Variants in VILL observed in about 807,000 individuals in gnomAD.
VILL encodes villin like.
Under a neutral mutation model 106.3 loss-of-function variants are expected in VILL, and 102 were observed. The observed-to-expected ratio is 0.96, with a 90% CI of 0.82 to 1.13. The LOEUF is 1.13. Ranked by LOEUF, VILL falls within the 50% of genes most tolerant of loss-of-function variation. VILL has a pLI of 0.00. For missense variants in VILL, 1,076 were observed against 1,116.6 expected, an observed-to-expected ratio of 0.96 and a Z score of 0.52; for synonymous variants, 431 against 440.3, an observed-to-expected ratio of 0.98 and a Z score of 0.27.
chr3:37,996,184 T>C (rs1699697653), intron 5 of VILL, among the ~76,000 whole-genome samples: 1 of 152,148 alleles, frequency 6.6e-6, no homozygotes, highest in Non-Finnish European at 1.5e-5. Context: ...AGAAAGACCC[T>C]GTCTCTGAAA....
rs1264010925 is a variant in VILL at position 38,002,519 on chromosome 3, T to G, written c.1603T>G (p.Ser535Ala). The G allele has an allele frequency of 1.2e-6, 2 of 1,614,012 alleles. No individual in the cohort carries two copies. Among genetic ancestry groups the G allele is most frequent in the African/African-American group, 2.7e-5 (2 of 74,932 alleles). ...EVPARASSLN[S>A]SDIFLLVTAS... Reference sequence around the variant, plus strand: ...GCCAGCCCGTGCCTCATCCCTCAACTCCAGTGACATCTTCTTGCTGGTCAC... The same window carrying G: ...GCCAGCCCGTGCCTCATCCCTCAACGCCAGTGACATCTTCTTGCTGGTCAC... Residue 535 changes from serine to alanine, a missense_variant, in exon 14 of 20, where the codon TCC (serine) becomes GCC (alanine). Transcript: ENST00000383759.
At chr3:37,992,512 A>G (rs1045455179) in intron 1 of VILL, among the ~76,000 whole-genome samples, 1 of 152,100 alleles carries the variant, frequency 6.6e-6, no homozygotes, top group South Asian at 2.1e-4. Context: ...CTCATTCAAC[A>G]AGTACTTACT....
At chr3:38,001,417 A>C (rs546943573) in intron 11 of VILL, 39 bp from the exon 12 acceptor site, 14 of 1,607,654 alleles carry the variant, frequency 8.7e-6, no homozygotes, top group Middle Eastern at 1.7e-4. Flanking sequence ...TGGTTCAGGA[A>C]GAGCAGCCAC....
In VILL at chr3:37,994,385, T is replaced by C. The variant is rs776681907; in HGVS notation, c.260T>C (p.Leu87Pro). 1.2e-6 allele frequency: 2 copies of C among 1,612,332 alleles called. No individual in the cohort carries two copies. Among genetic ancestry groups the C allele is most frequent in the East Asian group, 2.2e-5 (1 of 44,850 alleles). ...EAFQQRLQDELGGQTVLHREA... is the reference protein window; with the variant it reads ...EAFQQRLQDEPGGQTVLHREA... Reference sequence around the variant, plus strand: ...TTCCAGCAGCGCCTACAGGACGAGCTGGGGGGCCAGACCGTGCTGCACCGC... The same window carrying C: ...TTCCAGCAGCGCCTACAGGACGAGCCGGGGGGCCAGACCGTGCTGCACCGC... The change falls in exon 4 of 20, where the codon CTG (leucine) becomes CCG (proline). Residue 87 changes from leucine (L) to proline (P), a missense_variant. Physicochemically the swap from Leu to Pro is moderately conservative, Grantham distance 98. Coordinates refer to ENST00000383759, the MANE Select transcript of VILL (RefSeq NM_015873.4).
At chr3:38,003,443 C>A in intron 15 of VILL, 130 bp downstream of exon 15, 1 of 1,210,362 alleles carries the variant, frequency 8.3e-7, no homozygotes, top group Non-Finnish European at 1.1e-6. Flanking sequence ...CAGTTTCCCA[C>A]TCACAGAGGC....
rs771323638 is a variant in VILL at position 37,997,496 on chromosome 3, C to T, written c.575C>T (p.Thr192Ile). 23 of 1,613,760 alleles carry T rather than the reference C, an allele frequency of 1.4e-5. No individual in the cohort carries two copies. The African/African-American group carries it at 3.1e-4, about 22-fold the overall frequency. The change falls in exon 7 of 20, where the codon ACC becomes ATC. Residue 192 changes from threonine to isoleucine, a missense_variant. Thr to Ile is a moderately conservative substitution (Grantham distance 89). Coordinates refer to ENST00000383759, the MANE Select transcript of VILL (RefSeq NM_015873.4). This position sits in a 1 kb window ranked among gnomAD's most constrained non-coding sequence, Gnocchi z 4.7. Reference protein sequence around the residue: ...ISEKARGLALTYSLRDRERGG... With the variant: ...ISEKARGLALIYSLRDRERGG... The stretch of plus-strand genomic sequence containing the variant: ...CCTCTCCCGCAGGGGCTGGCTTTGA[C>T]CTACAGCCTCCGGGACAGGGAACGT...
Position 38,006,971 on chromosome 3 carries a change from T to C in VILL, c.2487T>C (p.Asp829=). ...ATCTCTCAGACTCTGACTTCCAAGATATCTTTGGGAAATCCAAGGAGGAAT... is the reference window on the plus strand; with the variant it reads ...ATCTCTCAGACTCTGACTTCCAAGACATCTTTGGGAAATCCAAGGAGGAAT... ...EFYLSDSDFQ[D]IFGKSKEEFY... is the part of the protein sequence containing the mutation. The change falls in exon 20 of 20, where the codon GAT becomes GAC. Residue 829 remains aspartate (D), a synonymous_variant. Coordinates refer to ENST00000383759, the MANE Select transcript of VILL (RefSeq NM_015873.4). The C allele has an allele frequency of 6.2e-7, 1 of 1,614,080 alleles. No homozygotes were observed. Among genetic ancestry groups the C allele is most frequent in the South Asian group, 1.1e-5 (1 of 91,080 alleles).
Position 38,004,358 on chromosome 3 carries a change from C to G in VILL, c.1909C>G (p.Leu637Val). The G allele has an allele frequency of 1.2e-6, 2 of 1,613,616 alleles. No individual in the cohort carries two copies. Among genetic ancestry groups the G allele is most frequent in the Non-Finnish European group, 1.7e-6 (2 of 1,179,520 alleles). Residue 637 changes from leucine to valine, a missense_variant, in exon 16 of 20, where the codon CTG becomes GTG. Leu to Val is a conservative substitution (Grantham distance 32). Transcript: ENST00000383759. Reference sequence around the variant, plus strand: ...AGTGGGGTTCTTCAGCCAGGAGGACCTGGACAAGTATGACATCATGTTACT... The same window carrying G: ...AGTGGGGTTCTTCAGCCAGGAGGACGTGGACAAGTATGACATCATGTTACT... Reference protein sequence around the residue: ...AEVGFFSQEDLDKYDIMLLDT... With the variant: ...AEVGFFSQEDVDKYDIMLLDT...
At chr3:37,995,642 A>G in intron 4 of VILL, 97 bp from the exon 5 acceptor site, 1 of 961,362 alleles carries the variant, frequency 1.0e-6, no homozygotes, top group Non-Finnish European at 1.6e-6. Context: ...GCAGGCACAT[A>G]CGTGCACGTG....
chr3:37,991,806 G>A (rs1392047371), intron 1 of VILL, among the ~76,000 whole-genome samples: 3 of 151,904 alleles, frequency 2.0e-5, no homozygotes, highest in Non-Finnish European at 4.4e-5. Context: ...ACTGTGGGGG[G>A]TTCCCCTGAG....
chr3:37,993,731 A>T lies in VILL; in HGVS notation c.59A>T (p.Glu20Val). The change falls in exon 2 of 20, where the codon GAG (glutamate) becomes GTG (valine). Residue 20 changes from glutamate to valine, a missense_variant and splice_region_variant. Transcript: ENST00000383759. ...MQGGLHIWIS[E>V]NRKMVPVPEG... is the part of the protein sequence containing the mutation. ...GGAGGCCTCCACATATGGATCTCTG[A>T]GGTGAGAGGCACGACCAAATAGGAG... 1 of 1,614,056 alleles carries T rather than the reference A, an allele frequency of 6.2e-7. No individual in the cohort carries two copies. Among genetic ancestry groups the T allele is most frequent in the Non-Finnish European group, 8.5e-7 (1 of 1,179,970 alleles).
intron 13 of VILL, chr3:38,002,121 C>T: frequency 1.5e-6 from 1 of 653,132 alleles, no homozygotes; most frequent in South Asian, 2.0e-5. Flanking sequence ...CAAACCTGGT[C>T]CCCACTTTCC....
upstream of VILL, among the ~76,000 whole-genome samples, chr3:37,990,412 A>G (rs1469156392): frequency 2.6e-5 from 4 of 152,196 alleles, no homozygotes; most frequent in African/African-American, 9.7e-5. The surrounding 1 kb of genome is among the most constrained non-coding windows in gnomAD (Gnocchi z 5.1). Context: ...AGTTTGCTGG[A>G]GTGGCCTGGC....
At chr3:37,993,145 G>A (rs1699633973) in intron 1 of VILL, among the ~76,000 whole-genome samples, 1 of 152,278 alleles carries the variant, frequency 6.6e-6, no homozygotes, top group South Asian at 2.1e-4. Context: ...CTTCCCCCAG[G>A]TACTTCTCAT....
In VILL at chr3:37,993,631, C is replaced by T; in HGVS notation, c.-42C>T. On this transcript the variant is annotated 5_prime_UTR_variant, in exon 2 of 20. Transcript: ENST00000383759. ...TCGGTCTCCAGCCTGAGAACTCTGGCTGTTGTTCCTTGTGTCGTCCCATAT... is the reference window on the plus strand; with the variant it reads ...TCGGTCTCCAGCCTGAGAACTCTGGTTGTTGTTCCTTGTGTCGTCCCATAT... 1.2e-6 allele frequency: 2 copies of T among 1,601,724 alleles called. No homozygotes were observed. Among genetic ancestry groups the T allele is most frequent in the South Asian group, 2.2e-5 (2 of 90,526 alleles).
chr3:37,999,557 G>T, intron 11 of VILL, 118 bp downstream of exon 11: 1 of 666,482 alleles, frequency 1.5e-6, no homozygotes, highest in Admixed American at 3.7e-5. Context: ...CACAATCAGG[G>T]ACACAAAGGG....
rs917324790 is a variant in VILL, at chr3:37,998,485, A to T, written c.942+121A>T. On this transcript the variant is annotated intron_variant, in intron 9 of 19. Coordinates refer to ENST00000383759, the MANE Select transcript of VILL (RefSeq NM_015873.4). The surrounding 1 kb of genome is among the most constrained non-coding windows in gnomAD (Gnocchi z 4.1). Reference sequence around the variant, plus strand: ...CCTCCCCTAGAGTTTGAGTTGGGAAATCCTATGCTGGAGTCTTAAAGGGGA... The same window carrying T: ...CCTCCCCTAGAGTTTGAGTTGGGAATTCCTATGCTGGAGTCTTAAAGGGGA... The T allele has an allele frequency of 1.1e-6, 1 of 902,188 alleles. No individual in the cohort carries two copies. Among genetic ancestry groups the T allele is most frequent in the Non-Finnish European group, 1.7e-6 (1 of 590,092 alleles). 55.9% of individuals were successfully genotyped at this position (902,188 alleles called of 1,614,324 possible). A position where few individuals can be genotyped will look rare whatever the true frequency, so the allele number is the denominator to read the frequency against.
chr3:38,001,479 C>A lies in VILL; in HGVS notation c.1206C>A (p.His402Gln). 1.2e-6 allele frequency: 2 copies of A among 1,614,186 alleles called. No homozygotes were observed. Among genetic ancestry groups the A allele is most frequent in the African/African-American group, 1.3e-5 (1 of 75,066 alleles). Residue 402 changes from histidine to glutamine, a missense_variant, in exon 12 of 20, where the codon CAC becomes CAA. Physicochemically the swap from His to Gln is conservative, Grantham distance 24 (BLOSUM62 0). Transcript: ENST00000383759. ...AGGTGTGGTGCATCCAGGACTTACA[C>A]AGGCAGCCCGTGGACCCCAAGCGTC... ...KVEVWCIQDL[H>Q]RQPVDPKRHG... is the part of the protein sequence containing the mutation.
At chr3:38,002,682 G>A in intron 14 of VILL, 107 bp downstream of exon 14, 1 of 1,289,392 alleles carries the variant, frequency 7.8e-7, no homozygotes, top group Non-Finnish European at 1.1e-6. Flanking sequence ...CCTCAGATAG[G>A]CCGATGGGGG....
Sources: allele counts gnomAD v4.1 joint callset (sites outside exome capture counted in the v4.1 genomes callset), GRCh38; gene constraint gnomAD v4.1.1; non-coding constraint Gnocchi (gnomAD v3.1); transcripts MANE v1.5; gene names NCBI Gene and HGNC (gene_info 2026-07-23, HGNC 2026-07-21).